Variants in ANK3 observed in about 807,000 individuals in gnomAD.
ANK3 encodes ankyrin-3.
A neutral mutation model predicts 370.9 loss-of-function variants in ANK3; 57 were observed. The ratio of observed to expected loss-of-function variants is 0.15; its 90% CI spans 0.12 to 0.19. The LOEUF (loss-of-function observed/expected upper bound fraction) is 0.19, where lower values mean the gene tolerates loss of function less well. Ranked by LOEUF, ANK3 falls within the 10% of genes least tolerant of loss-of-function variation. The pLI is 1.00. For synonymous variants in ANK3, 1,929 were observed against 1,946.3 expected, an observed-to-expected ratio of 0.99 and a Z score of 0.23; for missense variants, 4,439 against 5,302.1, an observed-to-expected ratio of 0.84 and a Z score of 5.06.
chr10:60,426,442 A>G (rs2063889853), intron 2 of ANK3, among the ~76,000 whole-genome samples: 1 of 152,092 alleles, frequency 6.6e-6, no homozygotes, highest in African/African-American at 2.4e-5. Flanking sequence ...ATATCTCATT[A>G]TGATAACTAA....
chr10:60,037,576 G>C (rs797004568), intron 43 of ANK3, among the ~76,000 whole-genome samples: 14 of 152,216 alleles, frequency 9.2e-5, no homozygotes, highest in African/African-American at 3.1e-4. Flanking sequence ...GTTTGCTAAG[G>C]ATAATGGTCT....
At position 60,069,275 on chromosome 10, in the gene ANK3, G is replaced by A. The variant is rs1351085518; in HGVS notation, c.11606C>T (p.Ala3869Val). 5 of 1,614,082 alleles carry A rather than the reference G, an allele frequency of 3.1e-6. No individual in the cohort carries two copies. The highest frequency in any genetic ancestry group is 2.2e-5 in the East Asian group (1 of 44,884). ...TGGGAAGGTATCTTTTGGTGAAGTG[G>A]CCTTTATGGGAAGTTTGGATTTTTG... is the stretch of plus-strand genomic sequence containing the variant. The part of the protein sequence containing the change: ...IRQKSKLPIK[A>V]TSPKDTFPPN... Residue 3869 changes from alanine to valine, a missense_variant, in exon 37 of 44, where the codon GCC becomes GTC. Around this residue, in one of 13 missense-constraint regions of ANK3, gnomAD observed 496 missense variants for 529.3 expected, o/e 0.94. Coordinates refer to ENST00000280772, the MANE Select transcript of ANK3 (RefSeq NM_020987.5).
chr10:60,128,626 C>T (rs2093902679), intron 25 of ANK3, among the ~76,000 whole-genome samples: 1 of 152,152 alleles, frequency 6.6e-6, no homozygotes, highest in African/African-American at 2.4e-5. Flanking sequence ...AATGATCCAC[C>T]CACCTTGGCC....
chr10:60,483,237 C>T (rs1338774809), intron 2 of ANK3, among the ~76,000 whole-genome samples: 2 of 152,168 alleles, frequency 1.3e-5, no homozygotes, highest in African/African-American at 4.8e-5. Flanking sequence ...CATAAAACAC[C>T]TGATCTCTGG....
rs532865068 is a variant in ANK3, at chr10:60,709,274, G to A, written c.57+23989C>T. On this transcript the variant is annotated intron_variant, in intron 1 of 43. Transcript: ENST00000373827. ...TTCTCCAGAGAAACAGAACCAATAGGATATATCTATATCTATATCTATATC... is the reference window on the plus strand; with the variant it reads ...TTCTCCAGAGAAACAGAACCAATAGAATATATCTATATCTATATCTATATC... 2.8e-5 allele frequency among the ~76,000 whole-genome samples: 4 copies of A among 144,040 alleles called. No homozygotes were observed. The South Asian group carries it at 6.7e-4, about 24-fold the overall frequency. 94.5% of individuals were successfully genotyped at this position (144,040 alleles called of 152,430 possible).
At chr10:60,428,317 G>A (rs1017057786) in intron 2 of ANK3, among the ~76,000 whole-genome samples, 11 of 152,212 alleles carry the variant, frequency 7.2e-5, no homozygotes, top group African/African-American at 2.6e-4. Context: ...TTGATTCTGT[G>A]CTCATCCTTC....
chr10:60,172,650 AT>A (rs901311100), intron 20 of ANK3, among the ~76,000 whole-genome samples: 130 of 151,654 alleles, frequency 8.6e-4, no homozygotes, highest in Non-Finnish European at 1.6e-3. Flanking sequence ...AACCAACACA[AT>A]TTTTTTTTCT....
chr10:60,098,102 T>G lies in ANK3; in HGVS notation c.3328+7803A>C, dbSNP rs559269374. On this transcript the variant is annotated intron_variant, in intron 28 of 43. Coordinates refer to ENST00000280772, the MANE Select transcript of ANK3 (RefSeq NM_020987.5). ...TGAACTTCTCTGAGCCATATGTTCC[T>G]CATCTATGTGATTAGGATGAGCAGT... Among the ~76,000 whole-genome samples, 40 of 152,252 alleles carry G rather than the reference T, an allele frequency of 2.6e-4. No homozygotes were observed. The East Asian group carries it at 4.1e-3, about 15-fold the overall frequency.
intron 1 of ANK3, among the ~76,000 whole-genome samples, chr10:60,345,236 A>G (rs1212460827): frequency 6.6e-6 from 1 of 152,128 alleles, no homozygotes; most frequent in Non-Finnish European, 1.5e-5. Flanking sequence ...GGTCTGAAAT[A>G]TTACCTCCCA....
At chr10:60,712,546 G>GA (rs1212556267) in intron 1 of ANK3, among the ~76,000 whole-genome samples, 1 of 152,134 alleles carries the variant, frequency 6.6e-6, no homozygotes, top group African/African-American at 2.4e-5. Flanking sequence ...CTCAATACCA[G>GA]AGAAGAAACA....
In ANK3 at chr10:60,145,278, C is replaced by G. The variant is rs115891841; in HGVS notation, c.2615-6191G>C. Among the ~76,000 whole-genome samples, 379 of 152,298 alleles carry G rather than the reference C, an allele frequency of 2.5e-3. 4 individuals carry two copies. Among genetic ancestry groups the G allele is most frequent in the African/African-American group, 8.6e-3 (359 of 41,580 alleles). The stretch of plus-strand genomic sequence containing the variant: ...GAAAGAATAAAGAGAAACAGTGTCT[C>G]TATACTCTACTGATTTACTAGGAGT... On this transcript the variant is annotated intron_variant, in intron 23 of 43. Transcript: ENST00000280772.
intron 2 of ANK3, among the ~76,000 whole-genome samples, chr10:60,585,628 A>G (rs1160343060): frequency 6.6e-6 from 1 of 152,210 alleles, no homozygotes; most frequent in Non-Finnish European, 1.5e-5. Context: ...AGTAAAGGAA[A>G]CAACAAGGTT....
intron 2 of ANK3, among the ~76,000 whole-genome samples, chr10:60,524,213 G>T (rs888974268): frequency 2.0e-5 from 3 of 152,100 alleles, no homozygotes; most frequent in Non-Finnish European, 4.4e-5. Flanking sequence ...CCAAGAAAAG[G>T]TCTTGGGGAT....
At chr10:60,486,643 G>A (rs1188529891) in intron 2 of ANK3, among the ~76,000 whole-genome samples, 3 of 152,126 alleles carry the variant, frequency 2.0e-5, no homozygotes, top group African/African-American at 2.4e-5. Flanking sequence ...TTATAAGCAC[G>A]TTTGAGTTCC....
chr10:60,515,274 C>T (rs887275748), intron 2 of ANK3, among the ~76,000 whole-genome samples: 2 of 152,102 alleles, frequency 1.3e-5, no homozygotes, highest in African/African-American at 4.8e-5. Context: ...AGGGAATGAA[C>T]TGAGACTGCA....
chr10:60,478,356 A>G (rs927269191), intron 2 of ANK3, among the ~76,000 whole-genome samples: 2 of 152,130 alleles, frequency 1.3e-5, no homozygotes, highest in African/African-American at 2.4e-5. Context: ...ATCTGTAGCT[A>G]TTTCAGTAGG....
At chr10:60,605,688 T>C (rs2133310773) in intron 2 of ANK3, among the ~76,000 whole-genome samples, 1 of 152,280 alleles carries the variant, frequency 6.6e-6, no homozygotes, top group South Asian at 2.1e-4. Context: ...AATGGGATGA[T>C]GGAAAAATCA....
intron 1 of ANK3, among the ~76,000 whole-genome samples, chr10:60,351,711 G>T (rs985861411): frequency 2.0e-5 from 3 of 152,110 alleles, no homozygotes; most frequent in Non-Finnish European, 4.4e-5. Flanking sequence ...AAACAATCAA[G>T]ACAAGTCACA....
chr10:60,385,397 G>T (rs894595218), intron 1 of ANK3, among the ~76,000 whole-genome samples: 3 of 151,798 alleles, frequency 2.0e-5, no homozygotes, highest in African/African-American at 4.8e-5. Context: ...GGCTCCTGGG[G>T]CTCCCTCTTC....
Sources: allele counts gnomAD v4.1 joint callset (sites outside exome capture counted in the v4.1 genomes callset), GRCh38; gene constraint gnomAD v4.1.1; regional missense constraint gnomAD v4.1.1; transcripts MANE v1.5; gene names NCBI Gene and HGNC (gene_info 2026-07-23, HGNC 2026-07-21).